CEP72: variants seen among roughly 807,000 people sequenced by gnomAD.
The protein encoded by CEP72 is centrosomal protein 72.
A neutral mutation model predicts 65.7 loss-of-function variants in CEP72; 78 were observed. That is an observed-to-expected ratio of 1.19 (90% confidence interval 0.99 to 1.43). CEP72 has a LOEUF of 1.43. CEP72 is among the 40% of genes most tolerant of loss of function. The pLI is 0.00. For synonymous variants in CEP72, 358 were observed against 351.7 expected, an observed-to-expected ratio of 1.02 and a Z score of -0.20; for missense variants, 914 against 832.9, an observed-to-expected ratio of 1.10 and a Z score of -1.20.
chr5:670,822 C>T (rs1740194847), downstream of CEP72, among the ~76,000 whole-genome samples: 1 of 152,178 alleles, frequency 6.6e-6, no homozygotes, highest in Non-Finnish European at 1.5e-5. Flanking sequence ...GCCCTCCAGG[C>T]CCTGCCTATT....
intron 7 of CEP72, 141 bp from the exon 8 acceptor site, chr5:638,948 A>T: frequency 9.4e-7 from 1 of 1,059,184 alleles, no homozygotes; most frequent in Non-Finnish European, 1.4e-6. Context: ...GCCGCCCTCC[A>T]CCTGGCTCAG....
At chr5:672,958 G>C in the CEP72 span, among the ~76,000 whole-genome samples, 1 of 152,294 alleles carries the variant, frequency 6.6e-6, no homozygotes, top group Admixed American at 6.5e-5. Flanking sequence ...CAGATACCCC[G>C]AGCTGGCGCC....
chr5:612,440 C>G lies in CEP72; in HGVS notation c.79C>G (p.Leu27Val). 1 of 1,441,832 alleles carries G rather than the reference C, an allele frequency of 6.9e-7. No homozygotes were observed. The highest frequency in any genetic ancestry group is 9.1e-7 in the Non-Finnish European group (1 of 1,096,116). The allele number at this position is 1,441,832 out of a possible 1,614,324, so 89.3% of individuals were successfully genotyped here. Residue 27 changes from leucine to valine, a missense_variant, in exon 1 of 12, where the codon CTG becomes GTG. By Grantham distance (32) the Leu-to-Val change is conservative. Transcript: ENST00000264935. ...GAGCGGCTTAGGGCCTCACCGCGAC[C>G]TGGGTGCGCCGGAGGGCGGGCGGGG... ...AKSGLGPHRD[L>V]AELQSLSIPG... is the part of the protein sequence containing the mutation.
intron 11 of CEP72, among the ~76,000 whole-genome samples, chr5:649,861 G>A (rs1467701797): frequency 1.1e-5 from 1 of 89,720 alleles, no homozygotes; most frequent in Non-Finnish European, 2.6e-5. Flanking sequence ...ACTGTGAGGC[G>A]TGACTGAGGT....
Position 662,535 on chromosome 5 carries a change from C to T in CEP72, n.131-881C>T, listed in dbSNP as rs11749223. 795 of 152,586 alleles carry T rather than the reference C, an allele frequency of 5.2e-3. 5 individuals are homozygous for T. Among genetic ancestry groups the T allele is most frequent in the Non-Finnish European group, 8.2e-3 (560 of 68,178 alleles). 9.5% of individuals were successfully genotyped at this position (152,586 alleles called of 1,614,324 possible). On this transcript the variant is annotated intron_variant and non_coding_transcript_variant, in intron 1 of 4. Coordinates refer to the CEP72 transcript ENST00000514507. ...ACCCGCCCTTCCCTCCGTCCTGACC[C>T]GGCGCCAGGCTCAGCTCCAGGGCGA...
chr5:669,015 C>A (rs182423142), downstream of CEP72, among the ~76,000 whole-genome samples: 180 of 152,360 alleles, frequency 1.2e-3, no homozygotes, highest in African/African-American at 4.3e-3. Context: ...AAAGACACAA[C>A]AGACACCATC....
chr5:666,122 C>G (rs1473908818), intron 4 of CEP72: 9 of 1,432,546 alleles, frequency 6.3e-6, no homozygotes, highest in Non-Finnish European at 8.4e-6. Context: ...CAAGACTTCC[C>G]TCTACAGGGG....
At chr5:657,491 T>G (rs1477869903), downstream of CEP72, among the ~76,000 whole-genome samples, 3 of 152,250 alleles carry the variant, frequency 2.0e-5, no homozygotes, top group African/African-American at 7.2e-5. Flanking sequence ...AAGATTATAA[T>G]TATTTCTTCC....
At chr5:667,391 T>C (rs1289056158), downstream of CEP72, among the ~76,000 whole-genome samples, 1 of 152,172 alleles carries the variant, frequency 6.6e-6, no homozygotes, top group Non-Finnish European at 1.5e-5. Flanking sequence ...TGCACTTTGG[T>C]CTATACTGCA....
chr5:665,322 G>T, exon 3 of CEP72: 1 of 1,599,874 alleles, frequency 6.3e-7, no homozygotes, highest in Middle Eastern at 1.7e-4. Context: ...GAGGAAGGGG[G>T]CAGGTGAGTT....
In CEP72 at chr5:629,516, G is replaced by A. The variant is rs548988092; in HGVS notation, c.513-4253G>A. ...CGGGATTTGGACCAGTCCTGGTGGGGTTCTGTCCAGTGCCGGGATTTGGAC... is the reference window on the plus strand; with the variant it reads ...CGGGATTTGGACCAGTCCTGGTGGGATTCTGTCCAGTGCCGGGATTTGGAC... On this transcript the variant is annotated intron_variant, in intron 4 of 11. Coordinates refer to ENST00000264935, the MANE Select transcript of CEP72 (RefSeq NM_018140.4). 1.9e-4 allele frequency among the ~76,000 whole-genome samples: 24 copies of A among 125,260 alleles called. No individual in the cohort carries two copies. The South Asian group carries it at 6.0e-3, about 31-fold the overall frequency. 82.2% of individuals were successfully genotyped at this position (125,260 alleles called of 152,430 possible).
At chr5:642,454 G>A (rs552267660) in intron 9 of CEP72, 33 of 985,484 alleles carry the variant, frequency 3.3e-5, no homozygotes, top group Middle Eastern at 5.2e-4. Flanking sequence ...GCTGGGCGCC[G>A]TCACTGATGA....
intron 4 of CEP72, among the ~76,000 whole-genome samples, chr5:632,220 G>T (rs1195510978): frequency 3.2e-5 from 2 of 62,700 alleles, no homozygotes; most frequent in African/African-American, 1.3e-4. Flanking sequence ...GTCCAGTGTC[G>T]GGATTTGACC....
intron 9 of CEP72, chr5:643,327 G>A (rs966788624): frequency 4.9e-5 from 48 of 985,438 alleles, no homozygotes; most frequent in Non-Finnish European, 5.3e-5. Flanking sequence ...CCAAAGCCCC[G>A]CGCGGAGGGC....
intron 11 of CEP72, 122 bp downstream of exon 11, chr5:648,038 G>C: frequency 1.6e-6 from 1 of 632,246 alleles, no homozygotes; most frequent in Non-Finnish European, 2.8e-6. Context: ...AGTCTTGGCC[G>C]ATGATATCCA....
intron 11 of CEP72, among the ~76,000 whole-genome samples, chr5:648,645 T>TG (rs1316762325): frequency 4.2e-5 from 5 of 117,660 alleles, no homozygotes; most frequent in South Asian, 6.8e-4. Context: ...CTGTGAGGTG[T>TG]GACTGTGAGG....
At chr5:637,948 G>C in intron 7 of CEP72, 130 bp downstream of exon 7, 2 of 918,842 alleles carry the variant, frequency 2.2e-6, no homozygotes, top group East Asian at 2.7e-5. Context: ...GGGCTGTTAC[G>C]GCGGTGCCGT....
chr5:657,346 G>A (rs149534273), downstream of CEP72, among the ~76,000 whole-genome samples: 151 of 152,278 alleles, frequency 9.9e-4, 3 homozygotes, highest in East Asian at 0.016. Flanking sequence ...ACAGTGGTTA[G>A]TATCTCTCTT....
chr5:626,237 T>C (rs375516966), intron 4 of CEP72, among the ~76,000 whole-genome samples: 2 of 152,182 alleles, frequency 1.3e-5, no homozygotes, highest in African/African-American at 4.8e-5. Flanking sequence ...TTTCTTACCT[T>C]ACTGCCTTAT....
Sources: gnomAD v4.1 joint callset for allele counts (sites outside exome capture counted in the v4.1 genomes callset) on GRCh38, gnomAD v4.1.1 for gene constraint, MANE v1.5 for transcripts, NCBI Gene and HGNC (gene_info 2026-07-23, HGNC 2026-07-21) for gene names.